The following TBC1D15 variants were observed in gnomAD, a reference collection of about 807,000 sequenced individuals.
TBC1D15 encodes the protein GAP for RAB7.
In TBC1D15, 39 loss-of-function variants were observed where a neutral mutation model predicts 95.4. That is an observed-to-expected ratio of 0.41 (90% CI 0.32 to 0.53). The LOEUF is 0.53. TBC1D15 is among the 20% of genes least tolerant of loss of function. TBC1D15 has a pLI of 0.29. For missense variants in TBC1D15, 733 were observed against 794.3 expected, an observed-to-expected ratio of 0.92 and a Z score of 0.93; for synonymous variants, 258 against 261.3, an observed-to-expected ratio of 0.99 and a Z score of 0.12.
At chr12:71,898,258 T>C (rs1012794180) in intron 10 of TBC1D15, among the ~76,000 whole-genome samples, 1 of 152,072 alleles carries the variant, frequency 6.6e-6, no homozygotes, top group Non-Finnish European at 1.5e-5. Flanking sequence ...TTTTTTATTA[T>C]GAAAGTCTGT....
chr12:71,877,991 T>C (rs1375586856), intron 3 of TBC1D15, among the ~76,000 whole-genome samples: 3 of 152,200 alleles, frequency 2.0e-5, no homozygotes, highest in Admixed American at 2.0e-4. Context: ...GGCCTGGTAA[T>C]AGTGAGACTC....
At chr12:71,917,382 T>G (rs1483982062) in intron 12 of TBC1D15, among the ~76,000 whole-genome samples, 1 of 152,238 alleles carries the variant, frequency 6.6e-6, no homozygotes, top group Non-Finnish European at 1.5e-5. Flanking sequence ...TTCCCAAATG[T>G]GTGTTTCTTT....
At chr12:71,900,807 C>T (rs1899210708) in intron 10 of TBC1D15, among the ~76,000 whole-genome samples, 1 of 151,962 alleles carries the variant, frequency 6.6e-6, no homozygotes. Context: ...GCAATGTTGC[C>T]ATTTTAACTT....
In TBC1D15 at chr12:71,920,260, G is replaced by A. The variant is rs893220961; in HGVS notation, c.1600-471G>A. Among the ~76,000 whole-genome samples, 6 of 152,142 alleles carry A rather than the reference G, an allele frequency of 3.9e-5. No individual in the cohort carries two copies. The South Asian group carries it at 8.3e-4, about 21-fold the overall frequency. ...ATAAAATGTGATACAAGGGTTTTAC[G>A]TATTTAGAATGTAGAGCTACCTCTG... On this transcript the variant is annotated intron_variant, in intron 14 of 16. Transcript: ENST00000485960.
intron 12 of TBC1D15, among the ~76,000 whole-genome samples, chr12:71,915,465 A>G (rs79961304): frequency 1.3e-5 from 2 of 151,388 alleles, no homozygotes; most frequent in African/African-American, 2.4e-5. Context: ...AAAAAAAAAA[A>G]CACAACTAAG....
intron 10 of TBC1D15, among the ~76,000 whole-genome samples, chr12:71,905,296 T>C (rs923920576): frequency 1.1e-4 from 17 of 152,206 alleles, no homozygotes; most frequent in African/African-American, 4.1e-4. Context: ...TTATGAACTT[T>C]ATCAACTGTG....
At position 71,843,295 on chromosome 12, in the gene TBC1D15, A is replaced by C. The variant is rs560442687; in HGVS notation, c.30+3484A>C. Among the ~76,000 whole-genome samples, 13 of 152,282 alleles carry C rather than the reference A, an allele frequency of 8.5e-5. No individual in the cohort carries two copies. The South Asian group carries it at 2.5e-3, about 29-fold the overall frequency. On this transcript the variant is annotated intron_variant, in intron 1 of 16. Transcript: ENST00000485960. ...AATGAAAAAGAAAATTACTTGAAAC[A>C]ATAGGGAAATCAGCTGTTTTTTTTT...
At chr12:71,870,308 A>AT (rs1250667372) in intron 1 of TBC1D15, among the ~76,000 whole-genome samples, 1 of 152,032 alleles carries the variant, frequency 6.6e-6, no homozygotes, top group Non-Finnish European at 1.5e-5. Context: ...ATTCTTATGC[A>AT]TATTTTTGTA....
At position 71,913,757 on chromosome 12, in the gene TBC1D15, A is replaced by T. The variant is rs1263649372; in HGVS notation, c.1301-69A>T. The T allele has an allele frequency of 1.1e-5, 11 of 999,966 alleles. No homozygotes were observed. The East Asian group carries it at 2.5e-4, about 22-fold the overall frequency. 61.9% of individuals were successfully genotyped at this position (999,966 alleles called of 1,614,324 possible). A position where few individuals can be genotyped will look rare whatever the true frequency, so the allele number is the denominator to read the frequency against. ...TACAATTTTAAGCGAAATGGTGGTG[A>T]TATGCACAACTTGCAGAAGGTTACA... On this transcript the variant is annotated intron_variant, in intron 11 of 16. Transcript: ENST00000485960.
At chr12:71,921,516 G>C (rs976752047) in intron 16 of TBC1D15, 62 bp downstream of exon 16, 1 of 1,024,336 alleles carries the variant, frequency 9.8e-7, no homozygotes, top group African/African-American at 1.6e-5. Flanking sequence ...GATCAAGAAA[G>C]ATTTTTCTTC....
intron 1 of TBC1D15, among the ~76,000 whole-genome samples, chr12:71,871,581 T>C: frequency 6.6e-6 from 1 of 152,208 alleles, no homozygotes; most frequent in African/African-American, 2.4e-5. Flanking sequence ...AAAAAATACT[T>C]ATTTTTTTGA....
intron 1 of TBC1D15, among the ~76,000 whole-genome samples, chr12:71,850,809 A>G (rs1887606905): frequency 6.6e-6 from 1 of 152,142 alleles, no homozygotes; most frequent in African/African-American, 2.4e-5. Context: ...CAACATGGTG[A>G]AACCCCGTCT....
At chr12:71,917,041 C>T (rs1176804737) in intron 12 of TBC1D15, among the ~76,000 whole-genome samples, 3 of 151,842 alleles carry the variant, frequency 2.0e-5, no homozygotes, top group Non-Finnish European at 4.4e-5. Flanking sequence ...GTAACCTTTC[C>T]TAATGAAAAA....
In TBC1D15 at chr12:71,902,565, T is replaced by G. The variant is rs752891221; in HGVS notation, c.1184-4457T>G. Among the ~76,000 whole-genome samples, 3 of 152,158 alleles carry G rather than the reference T, an allele frequency of 2.0e-5. 1 individual carries two copies. The highest frequency in any genetic ancestry group is 2.0e-4 in the Admixed American group (3 of 15,280). On this transcript the variant is annotated intron_variant, in intron 10 of 16. Transcript: ENST00000485960. The stretch of plus-strand genomic sequence containing the variant: ...AACTGGACCCCTACCTTTCACCATA[T>G]ACAAAAATCAGTCAAGATGGATTAA...
At chr12:71,910,557 C>T (rs1901977292) in intron 11 of TBC1D15, among the ~76,000 whole-genome samples, 1 of 151,830 alleles carries the variant, frequency 6.6e-6, no homozygotes, top group South Asian at 2.1e-4. Context: ...GTTTGTAGTT[C>T]TCCTTGAAGA....
chr12:71,898,422 A>G (rs1177795632), intron 10 of TBC1D15, among the ~76,000 whole-genome samples: 3 of 152,112 alleles, frequency 2.0e-5, no homozygotes, highest in Non-Finnish European at 2.9e-5. Flanking sequence ...TTAAAATTAA[A>G]TAAATGACTC....
chr12:71,879,645 G>C (rs1312657100), intron 3 of TBC1D15, among the ~76,000 whole-genome samples: 1 of 152,148 alleles, frequency 6.6e-6, no homozygotes. Flanking sequence ...GCAAAAAATA[G>C]AAATCTGTCA....
intron 3 of TBC1D15, among the ~76,000 whole-genome samples, chr12:71,874,567 T>G (rs1351334114): frequency 1.3e-5 from 2 of 152,118 alleles, no homozygotes; most frequent in African/African-American, 4.8e-5. Context: ...CTGTATCTTC[T>G]TTGGAGAAAT....
chr12:71,900,600 C>T (rs1899168161), intron 10 of TBC1D15, among the ~76,000 whole-genome samples: 1 of 152,038 alleles, frequency 6.6e-6, no homozygotes, highest in Non-Finnish European at 1.5e-5. Context: ...TACTTAGTGC[C>T]TATTATGTAC....
Sources: gnomAD v4.1 joint callset for allele counts (sites outside exome capture counted in the v4.1 genomes callset) on GRCh38, gnomAD v4.1.1 for gene constraint, MANE v1.5 for transcripts, NCBI Gene and HGNC (gene_info 2026-07-23, HGNC 2026-07-21) for gene names.